Variants in GAS2 observed in about 807,000 individuals in gnomAD.
The protein encoded by GAS2 is growth arrest specific 2.
In GAS2, 20 loss-of-function variants were observed where a neutral mutation model predicts 37.5. The ratio of observed to expected loss-of-function variants is 0.53; its 90% CI spans 0.37 to 0.77. GAS2 has a LOEUF of 0.77. Ranked by LOEUF, GAS2 falls within the 30% of genes least tolerant of loss-of-function variation. The probability of loss-of-function intolerance (pLI) is 0.00; values close to 1 mark genes in which losing one functional copy is unlikely to be tolerated. For missense variants in GAS2, 336 were observed against 373.4 expected (o/e 0.90, Z 0.82); for synonymous variants, 144 against 132.2 (o/e 1.09, Z -0.61).
chr11:22,659,764 CA>C (rs1848894907), intron 1 of GAS2, among the ~76,000 whole-genome samples: 1 of 150,882 alleles, frequency 6.6e-6, no homozygotes, highest in Non-Finnish European at 1.5e-5. Flanking sequence ...TTATCTAAGA[CA>C]TTTTTAAAAA....
At chr11:22,652,465 G>C (rs1434046130) in intron 1 of GAS2, among the ~76,000 whole-genome samples, 1 of 152,186 alleles carries the variant, frequency 6.6e-6, no homozygotes, top group Non-Finnish European at 1.5e-5. Flanking sequence ...AGAGCTTCCC[G>C]GCTGCTTTGT....
chr11:22,649,519 A>G (rs1848745428), intron 1 of GAS2, among the ~76,000 whole-genome samples: 1 of 152,092 alleles, frequency 6.6e-6, no homozygotes, highest in Admixed American at 6.6e-5. Context: ...TACCTCTGGT[A>G]GAATTCGGCT....
intron 3 of GAS2, among the ~76,000 whole-genome samples, chr11:22,687,418 A>C (rs1219426311): frequency 2.0e-5 from 3 of 152,180 alleles, no homozygotes; most frequent in Admixed American, 2.0e-4. Flanking sequence ...TGGGTACTAG[A>C]ATTTTTAAAA....
intron 1 of GAS2, among the ~76,000 whole-genome samples, chr11:22,631,370 T>A (rs974000802): frequency 6.6e-6 from 1 of 152,166 alleles, no homozygotes; most frequent in African/African-American, 2.4e-5. Flanking sequence ...CTTCCGATGC[T>A]GTGTTGAATA....
chr11:22,789,429 T>TATAAATATATATATAA (rs1564889865), intron 7 of GAS2, among the ~76,000 whole-genome samples: 1 of 86,812 alleles, frequency 1.2e-5, no homozygotes, highest in African/African-American at 4.9e-5. Context: ...ATATGAGATA[T>TATAAATATATATATAA]ATATATATAT....
chr11:22,657,989 A>AT (rs1258295695), intron 1 of GAS2, among the ~76,000 whole-genome samples: 1 of 150,168 alleles, frequency 6.7e-6, no homozygotes, highest in African/African-American at 2.4e-5. Flanking sequence ...ATCCAGATGT[A>AT]TTGGTGGAAT....
intron 1 of GAS2, among the ~76,000 whole-genome samples, chr11:22,627,921 C>T (rs1858686445): frequency 1.3e-5 from 2 of 151,944 alleles, no homozygotes; most frequent in Admixed American, 1.3e-4. Flanking sequence ...AAGAACCAGG[C>T]CTATTTAAGG....
intron 4 of GAS2, among the ~76,000 whole-genome samples, chr11:22,736,340 A>C (rs1852754626): frequency 6.6e-6 from 1 of 152,016 alleles, no homozygotes; most frequent in East Asian, 1.9e-4. Context: ...TGAATCTAAA[A>C]TTTGTGTTAT....
At position 22,698,422 on chromosome 11, in the gene GAS2, C is replaced by T. The variant is rs1193629039; in HGVS notation, c.267+12633C>T. On this transcript the variant is annotated intron_variant, in intron 3 of 7. Coordinates refer to ENST00000454584, the MANE Select transcript of GAS2 (RefSeq NM_001143830.3). The stretch of plus-strand genomic sequence containing the variant: ...AGTCCAGGACCAGATGGATTCACAG[C>T]CGAATTCTACCAGAGGTACAAGGAG... 4.0e-5 allele frequency among the ~76,000 whole-genome samples: 6 copies of T among 151,882 alleles called. No homozygotes were observed. In the South Asian group the frequency reaches 8.3e-4, roughly 21 times the overall value.
chr11:22,684,415 A>C (rs573710249), intron 2 of GAS2, among the ~76,000 whole-genome samples: 4 of 152,308 alleles, frequency 2.6e-5, no homozygotes, highest in African/African-American at 9.6e-5. Context: ...CTAGAGGTTT[A>C]AGTATCACCT....
At chr11:22,791,222 A>G (rs1395957511) in intron 7 of GAS2, among the ~76,000 whole-genome samples, 2 of 152,104 alleles carry the variant, frequency 1.3e-5, no homozygotes, top group African/African-American at 2.4e-5. Context: ...AAACTGAGTT[A>G]AAGATCTAGA....
intron 3 of GAS2, among the ~76,000 whole-genome samples, chr11:22,698,822 G>A (rs1043005759): frequency 1.4e-4 from 21 of 152,160 alleles, no homozygotes; most frequent in African/African-American, 5.1e-4. Flanking sequence ...TTAAGAAAAT[G>A]TGAAGTAGCA....
chr11:22,664,044 T>G (rs920858658), upstream of GAS2, among the ~76,000 whole-genome samples: 7 of 152,226 alleles, frequency 4.6e-5, no homozygotes, highest in African/African-American at 1.7e-4. Flanking sequence ...CATACTGCTT[T>G]CTGTATCATT....
At chr11:22,665,587 G>A (rs1283548250), upstream of GAS2, among the ~76,000 whole-genome samples, 1 of 152,132 alleles carries the variant, frequency 6.6e-6, no homozygotes, top group African/African-American at 2.4e-5. Flanking sequence ...AGCTAAGGAG[G>A]AAATGTGGAC....
chr11:22,781,036 C>T (rs1016174542), intron 7 of GAS2, among the ~76,000 whole-genome samples: 1 of 152,162 alleles, frequency 6.6e-6, no homozygotes, highest in Non-Finnish European at 1.5e-5. Flanking sequence ...AACATCCCCC[C>T]AGACTAGATA....
intron 3 of GAS2, among the ~76,000 whole-genome samples, chr11:22,689,724 T>C (rs1850145084): frequency 6.6e-6 from 1 of 152,198 alleles, no homozygotes; most frequent in Admixed American, 6.5e-5. Flanking sequence ...ACCCAGGTAA[T>C]TAGGATTACA....
chr11:22,762,834 ATCTG>A (rs1348411055), intron 7 of GAS2, among the ~76,000 whole-genome samples: 1 of 152,192 alleles, frequency 6.6e-6, no homozygotes, highest in African/African-American at 2.4e-5. Context: ...ACATATTGCT[ATCTG>A]TCCTGATATC....
In GAS2 at chr11:22,795,467, A is replaced by G. The variant is rs192370620; in HGVS notation, c.724-16331A>G. Among the ~76,000 whole-genome samples the G allele has an allele frequency of 2.6e-3, 392 of 152,222 alleles. 3 individuals carry two copies. Among genetic ancestry groups the G allele is most frequent in the African/African-American group, 8.9e-3 (368 of 41,522 alleles). ...GGTGATTAGGATAAGCCTCATTGAG[A>G]AGATGAGATATTAGCAAGGGCATGA... On this transcript the variant is annotated intron_variant, in intron 7 of 7. Transcript: ENST00000454584.
rs879442161 is a variant in GAS2 at position 22,729,034 on chromosome 11, C to CT, written c.409+2612dup. Reference sequence around the variant, plus strand: ...TTTTGAAAGGAAATTTGGGGCAAGGCTTTTTTTTTTTAACCTCAAGATTTC... The same window carrying CT: ...TTTTGAAAGGAAATTTGGGGCAAGGCTTTTTTTTTTTTAACCTCAAGATTTC... On this transcript the variant is annotated intron_variant, in intron 4 of 7. Transcript: ENST00000454584. Among the ~76,000 whole-genome samples, 109 of 142,114 alleles carry CT rather than the reference C, an allele frequency of 7.7e-4. No individual in the cohort carries two copies. In the Middle Eastern group the frequency reaches 0.029, roughly 38 times the overall value. 93.2% of individuals were successfully genotyped at this position (142,114 alleles called of 152,430 possible).
Sources: gnomAD v4.1 joint callset for allele counts (sites outside exome capture counted in the v4.1 genomes callset) on GRCh38, gnomAD v4.1.1 for gene constraint, MANE v1.5 for transcripts, NCBI Gene and HGNC (gene_info 2026-07-23, HGNC 2026-07-21) for gene names.